Variants in IGSF21 observed in about 807,000 individuals in gnomAD.
IGSF21 encodes the protein immunoglobulin superfamily member 21.
IGSF21 carries 28 observed loss-of-function variants against 46.8 expected under a neutral mutation model. The observed-to-expected ratio is 0.60, with a 90% CI of 0.44 to 0.82. IGSF21 has a LOEUF of 0.82. Among genes scored for constraint, IGSF21 ranks in the 40% least tolerant of loss-of-function variants. The pLI is 0.00. For synonymous variants in IGSF21, 284 were observed against 273.6 expected (o/e 1.04, Z -0.38); for missense variants, 624 against 665.5 (o/e 0.94, Z 0.69).
chr1:18,257,791 A>G (rs964987104), intron 2 of IGSF21, among the ~76,000 whole-genome samples: 3 of 152,088 alleles, frequency 2.0e-5, no homozygotes, highest in African/African-American at 7.3e-5. Flanking sequence ...GTCAAGAGGA[A>G]GGCATCCTTT....
intron 3 of IGSF21, among the ~76,000 whole-genome samples, chr1:18,319,072 A>G (rs2085573338): frequency 6.6e-6 from 1 of 152,170 alleles, no homozygotes; most frequent in South Asian, 2.1e-4. Flanking sequence ...CTTAAACTAG[A>G]TAAGAGTTTA....
chr1:18,169,380 T>C (rs1174350877), intron 1 of IGSF21, among the ~76,000 whole-genome samples: 1 of 152,174 alleles, frequency 6.6e-6, no homozygotes, highest in African/African-American at 2.4e-5. Flanking sequence ...AGCCCAGGCG[T>C]ATTTCTTTCT....
chr1:18,359,874 T>C (rs746780988), intron 4 of IGSF21, among the ~76,000 whole-genome samples: 11 of 152,242 alleles, frequency 7.2e-5, no homozygotes, highest in Non-Finnish European at 1.0e-4. Flanking sequence ...GCTCCCTTTT[T>C]CTTCCCAAAG....
At chr1:18,208,397 T>TATATATATATC (rs368652183) in intron 1 of IGSF21, among the ~76,000 whole-genome samples, 1 of 92,586 alleles carries the variant, frequency 1.1e-5, no homozygotes, top group Non-Finnish European at 2.3e-5. Flanking sequence ...ATATATATAT[T>TATATATATATC]TTTTGAGACG....
intron 2 of IGSF21, among the ~76,000 whole-genome samples, chr1:18,266,071 C>T (rs1339559618): frequency 6.6e-6 from 1 of 152,178 alleles, no homozygotes; most frequent in African/African-American, 2.4e-5. Flanking sequence ...GAAATTTACC[C>T]TGCAGGCTCT....
At chr1:18,317,071 G>A (rs888522844) in intron 3 of IGSF21, among the ~76,000 whole-genome samples, 2 of 152,160 alleles carry the variant, frequency 1.3e-5, no homozygotes, top group African/African-American at 2.4e-5. Flanking sequence ...CACGTAATCT[G>A]ACTGTACCCT....
chr1:18,134,048 G>T (rs1399660589), intron 1 of IGSF21, among the ~76,000 whole-genome samples: 2 of 152,194 alleles, frequency 1.3e-5, no homozygotes, highest in African/African-American at 4.8e-5. Flanking sequence ...GCATGGGGAG[G>T]TTCTATACCT....
In IGSF21 at chr1:18,273,757, TC is replaced by T. The variant is rs745381154; in HGVS notation, c.184-18107del. Among the ~76,000 whole-genome samples the T allele has an allele frequency of 9.5e-4, 144 of 151,992 alleles. 2 individuals carry two copies. The highest frequency in any genetic ancestry group is 1.2e-3 in the Non-Finnish European group (81 of 68,010). On this transcript the variant is annotated intron_variant, in intron 2 of 9. Transcript: ENST00000251296. ...GAAACCAACACTAGACTCTTGAACT[TC>T]CTCTCTCCCAAAGGAAATAAACCAG...
intron 2 of IGSF21, among the ~76,000 whole-genome samples, chr1:18,282,266 A>T (rs2085168264): frequency 6.6e-6 from 1 of 152,114 alleles, no homozygotes; most frequent in Non-Finnish European, 1.5e-5. Flanking sequence ...TGCATTCAGA[A>T]GTCACTGAGT....
At chr1:18,332,184 C>G (rs1413186851) in intron 3 of IGSF21, among the ~76,000 whole-genome samples, 2 of 152,206 alleles carry the variant, frequency 1.3e-5, no homozygotes, top group Non-Finnish European at 2.9e-5. Context: ...ACCTGTGTCG[C>G]TATCCTATAA....
chr1:18,194,119 T>A (rs937276689), intron 1 of IGSF21, among the ~76,000 whole-genome samples: 1 of 152,156 alleles, frequency 6.6e-6, no homozygotes, highest in Non-Finnish European at 1.5e-5. Flanking sequence ...TGTGACTGGA[T>A]GTGAGAGACG....
At chr1:18,110,174 CCG>C (rs1211357521) in intron 1 of IGSF21, 1 of 152,306 alleles carries the variant, frequency 6.6e-6, no homozygotes, top group Non-Finnish European at 1.5e-5. Flanking sequence ...CCTCGGAGCT[CCG>C]CTGCTCAGGA....
chr1:18,224,442 C>T (rs1283115841), intron 1 of IGSF21, among the ~76,000 whole-genome samples: 1 of 152,184 alleles, frequency 6.6e-6, no homozygotes, highest in East Asian at 1.9e-4. Context: ...AAAGAAGCCC[C>T]TCCCCCATTG....
chr1:18,263,710 G>T (rs1295406109), intron 2 of IGSF21, among the ~76,000 whole-genome samples: 1 of 152,062 alleles, frequency 6.6e-6, no homozygotes, highest in Non-Finnish European at 1.5e-5. Flanking sequence ...TCCCACTGGG[G>T]CCCTGCAGAG....
In IGSF21 at chr1:18,335,299, G is replaced by A. The variant is rs950442009; in HGVS notation, c.424+289G>A. On this transcript the variant is annotated intron_variant, in intron 4 of 9. Transcript: ENST00000251296. This position sits in a 1 kb window ranked among gnomAD's most constrained non-coding sequence, Gnocchi z 4.8. ...GGGAGTGAAGGATAGCACCTCAGCCGAGATGCACACCTGCTGCAGAGGGAA... is the reference window on the plus strand; with the variant it reads ...GGGAGTGAAGGATAGCACCTCAGCCAAGATGCACACCTGCTGCAGAGGGAA... Among the ~76,000 whole-genome samples, 14 of 152,182 alleles carry A rather than the reference G, an allele frequency of 9.2e-5. No individual in the cohort carries two copies. The highest frequency in any genetic ancestry group is 2.1e-4 in the South Asian group (1 of 4,834).
chr1:18,357,205 G>A (rs184887708), intron 4 of IGSF21, among the ~76,000 whole-genome samples: 1 of 149,186 alleles, frequency 6.7e-6, no homozygotes, highest in Non-Finnish European at 1.5e-5. Context: ...TGGGAGTGGG[G>A]TTGGGGATGG....
At chr1:18,310,042 G>T (rs2085473702) in intron 3 of IGSF21, among the ~76,000 whole-genome samples, 3 of 152,126 alleles carry the variant, frequency 2.0e-5, no homozygotes, top group African/African-American at 7.2e-5. Context: ...CACCACTAAA[G>T]ATCCCCAGTC....
chr1:18,285,379 C>T (rs143955637), intron 2 of IGSF21, among the ~76,000 whole-genome samples: 1 of 152,140 alleles, frequency 6.6e-6, no homozygotes, highest in African/African-American at 2.4e-5. Flanking sequence ...CTGGCTGCAG[C>T]CTAGATTTGC....
chr1:18,289,315 C>T (rs1406545134), intron 2 of IGSF21, among the ~76,000 whole-genome samples: 2 of 152,140 alleles, frequency 1.3e-5, no homozygotes, highest in African/African-American at 2.4e-5. Flanking sequence ...GGAGAAAAAT[C>T]CTCACACCTC....
Sources: gnomAD v4.1 joint callset for allele counts (sites outside exome capture counted in the v4.1 genomes callset) on GRCh38, gnomAD v4.1.1 for gene constraint, Gnocchi (gnomAD v3.1) non-coding constraint, MANE v1.5 for transcripts, NCBI Gene and HGNC (gene_info 2026-07-23, HGNC 2026-07-21) for gene names.